SLC28A1: variants seen among roughly 807,000 people sequenced by gnomAD.
SLC28A1 encodes the protein sodium/nucleoside cotransporter 1.
Under a neutral mutation model 74.8 loss-of-function variants are expected in SLC28A1, and 64 were observed. That is an observed-to-expected ratio of 0.86 (90% CI 0.70 to 1.05). The LOEUF (loss-of-function observed/expected upper bound fraction) is 1.05. Ranked by LOEUF, SLC28A1 falls within the 50% of genes least tolerant of loss-of-function variation. The pLI is 0.00. For missense variants in SLC28A1, 828 were observed against 822.8 expected (o/e 1.01, Z -0.08); for synonymous variants, 359 against 335.0 (o/e 1.07, Z -0.78).
intron 11 of SLC28A1, among the ~76,000 whole-genome samples, 192 bp from the exon 12 acceptor site, chr15:84,923,793 G>A (rs1970149039): frequency 6.6e-6 from 1 of 152,114 alleles, no homozygotes; most frequent in African/African-American, 2.4e-5. Flanking sequence ...CCGGGAGGGA[G>A]GGATGGGGGT....
intron 9 of SLC28A1, among the ~76,000 whole-genome samples, chr15:84,909,839 T>C (rs914791763): frequency 2.3e-4 from 35 of 152,252 alleles, no homozygotes; most frequent in African/African-American, 8.0e-4. Context: ...GGAGCTGCTA[T>C]GCAAGACCCC....
intron 8 of SLC28A1, among the ~76,000 whole-genome samples, chr15:84,907,493 TTTTAG>T (rs996876597): frequency 9.2e-5 from 14 of 152,012 alleles, no homozygotes; most frequent in South Asian, 2.1e-4. Context: ...CTTTTTTTAA[TTTTAG>T]TTTAGTTTAG....
chr15:84,904,194 G>C lies in SLC28A1; in HGVS notation c.559G>C (p.Val187Leu). The change falls in exon 7 of 19, where the codon GTG becomes CTG. Residue 187 changes from valine (V) to leucine (L), a missense_variant. Coordinates refer to ENST00000394573, the MANE Select transcript of SLC28A1 (RefSeq NM_004213.5). Reference protein sequence around the residue: ...EQLVSFAGICVFVALLFACSK... With the variant: ...EQLVSFAGICLFVALLFACSK... The stretch of plus-strand genomic sequence containing the variant: ...ACTGGTGTCCTTCGCAGGAATCTGC[G>C]TGTTCGTCGCTCTCCTCTTTGCCTG... 2 of 1,614,192 alleles carry C rather than the reference G, an allele frequency of 1.2e-6. No homozygotes were observed. Among genetic ancestry groups the C allele is most frequent in the Non-Finnish European group, 1.7e-6 (2 of 1,180,046 alleles).
chr15:84,937,614 G>C (rs2142023864), intron 15 of SLC28A1, among the ~76,000 whole-genome samples: 1 of 152,276 alleles, frequency 6.6e-6, no homozygotes, highest in South Asian at 2.1e-4. Context: ...AAAAAAGAAA[G>C]TTTGTGGCCA....
rs543485141 is a variant in SLC28A1 at position 84,930,931 on chromosome 15, G to A, written c.1084-2214G>A. 2.0e-5 allele frequency among the ~76,000 whole-genome samples: 3 copies of A among 152,132 alleles called. No individual in the cohort carries two copies. The South Asian group carries it at 6.2e-4, about 32-fold the overall frequency. ...ATTACAGGCACACACCACCACACCC[G>A]GATAATTTTTCTCTATTTTTATTAG... On this transcript the variant is annotated intron_variant, in intron 12 of 18. Coordinates refer to ENST00000394573, the MANE Select transcript of SLC28A1 (RefSeq NM_004213.5).
chr15:84,916,327 G>A (rs1231771835), intron 9 of SLC28A1, among the ~76,000 whole-genome samples: 1 of 147,676 alleles, frequency 6.8e-6, no homozygotes, highest in African/African-American at 2.5e-5. Context: ...CTGCAGCCTC[G>A]AACTCCTGGA....
the SLC28A1 span, among the ~76,000 whole-genome samples, chr15:84,962,236 G>A: frequency 2.0e-5 from 3 of 151,770 alleles, no homozygotes; most frequent in Non-Finnish European, 4.4e-5. Flanking sequence ...CACCATGCCC[G>A]GCTAATTTTT....
At chr15:84,955,834 C>G in the SLC28A1 span, among the ~76,000 whole-genome samples, 3 of 152,136 alleles carry the variant, frequency 2.0e-5, no homozygotes, top group African/African-American at 7.2e-5. Flanking sequence ...ATGCAGCCCC[C>G]TAGGTGCGGC....
chr15:84,960,332 T>C, the SLC28A1 span, among the ~76,000 whole-genome samples: 7 of 139,042 alleles, frequency 5.0e-5, no homozygotes, highest in Non-Finnish European at 9.1e-5. Context: ...CTCAGCTCAC[T>C]GCAACCTCCG....
At chr15:84,949,218 G>A (rs2079332464), downstream of SLC28A1, among the ~76,000 whole-genome samples, 1 of 152,152 alleles carries the variant, frequency 6.6e-6, no homozygotes, top group Non-Finnish European at 1.5e-5. Context: ...TTCTGAATTT[G>A]TGTGCAGACA....
At chr15:84,923,175 C>G (rs1344752134) in intron 11 of SLC28A1, among the ~76,000 whole-genome samples, 2 of 152,160 alleles carry the variant, frequency 1.3e-5, no homozygotes, top group African/African-American at 4.8e-5. Context: ...TGACCTCAGC[C>G]AATCCTACCA....
rs758766299 is a variant in SLC28A1 at position 84,915,081 on chromosome 15, A to G, written c.796-3443A>G. On this transcript the variant is annotated intron_variant, in intron 9 of 18. Coordinates refer to ENST00000394573, the MANE Select transcript of SLC28A1 (RefSeq NM_004213.5). ...TGCAGTCCCTCTCAGGATCCACTGG[A>G]CAAGCAGTCTAGACAGTACGTGACT... 1.3e-3 allele frequency among the ~76,000 whole-genome samples: 195 copies of G among 152,070 alleles called. 1 individual carries two copies. The highest frequency in any genetic ancestry group is 1.4e-3 in the Non-Finnish European group (94 of 68,008).
At chr15:84,930,029 G>T (rs767276300) in intron 12 of SLC28A1, among the ~76,000 whole-genome samples, 2 of 152,348 alleles carry the variant, frequency 1.3e-5, no homozygotes, top group Non-Finnish European at 2.9e-5. Flanking sequence ...AGCCCTGCCT[G>T]TGCAGGACTC....
chr15:84,971,246 G>T, the SLC28A1 span, among the ~76,000 whole-genome samples: 2 of 152,188 alleles, frequency 1.3e-5, no homozygotes, highest in Non-Finnish European at 2.9e-5. Context: ...GAAAGGGCTA[G>T]AGAACAAAAA....
At chr15:84,894,182 A>C (rs1407860409) in intron 5 of SLC28A1, among the ~76,000 whole-genome samples, 1 of 152,070 alleles carries the variant, frequency 6.6e-6, no homozygotes, top group African/African-American at 2.4e-5. Flanking sequence ...CACCAGCCTG[A>C]GCAATATGGC....
chr15:84,914,699 T>G (rs1968834165), intron 9 of SLC28A1, among the ~76,000 whole-genome samples: 1 of 152,160 alleles, frequency 6.6e-6, no homozygotes, highest in African/African-American at 2.4e-5. Flanking sequence ...GGCACTTGCC[T>G]CCCCTTTCCA....
chr15:84,940,760 A>C (rs117679923), intron 15 of SLC28A1: 5,065 of 188,514 alleles, frequency 0.027, 93 homozygotes, highest in Middle Eastern at 0.068. Context: ...CTTTCTTTGC[A>C]ACATCAACAA....
intron 11 of SLC28A1, 115 bp from the exon 12 acceptor site, chr15:84,923,869 AC>A: frequency 1.5e-6 from 2 of 1,374,258 alleles, no homozygotes; most frequent in Non-Finnish European, 2.0e-6. Flanking sequence ...CCTGGTCCTT[AC>A]CCCATCCTGC....
In SLC28A1 at chr15:84,943,477, CTGTGGA is replaced by C; in HGVS notation, c.1616_1621del (p.Cys539_Gly540del). On this transcript the variant is annotated inframe_deletion, in exon 16 of 19. Transcript: ENST00000394573. Reference sequence around the variant, plus strand: ...CTGAAGTCCTCACGACGTTTGCCCTCTGTGGATTTGCCAATTTCAGCTCCATTGGGA... The same window carrying C: ...CTGAAGTCCTCACGACGTTTGCCCTCTTTGCCAATTTCAGCTCCATTGGGA... The C allele has an allele frequency of 6.2e-7, 1 of 1,614,104 alleles. No homozygotes were observed. Among genetic ancestry groups the C allele is most frequent in the Non-Finnish European group, 8.5e-7 (1 of 1,179,960 alleles).
Sources: allele counts gnomAD v4.1 joint callset (sites outside exome capture counted in the v4.1 genomes callset), GRCh38; gene constraint gnomAD v4.1.1; transcripts MANE v1.5; gene names NCBI Gene and HGNC (gene_info 2026-07-23, HGNC 2026-07-21).